The following CREB3L2 variants were observed in gnomAD, a reference collection of about 807,000 sequenced individuals.
CREB3L2 encodes the protein cyclic AMP-responsive element-binding protein 3-like protein 2.
CREB3L2 carries 23 observed loss-of-function variants against 57.2 expected under a neutral mutation model. The observed-to-expected ratio is 0.40, with a 90% CI of 0.29 to 0.57. The LOEUF (loss-of-function observed/expected upper bound fraction) is 0.57. Among genes scored for constraint, CREB3L2 ranks in the 20% least tolerant of loss-of-function variants. CREB3L2 has a pLI of 0.42. For missense variants in CREB3L2, 628 were observed against 634.7 expected, an observed-to-expected ratio of 0.99 and a Z score of 0.11; for synonymous variants, 268 against 265.1, an observed-to-expected ratio of 1.01 and a Z score of -0.11.
chr7:137,994,568 C>T (rs1361841713), intron 1 of CREB3L2, among the ~76,000 whole-genome samples: 1 of 152,180 alleles, frequency 6.6e-6, no homozygotes, highest in South Asian at 2.1e-4. Flanking sequence ...CCTCCCTAGC[C>T]TTTCCCTGCA....
At chr7:137,942,840 T>G (rs1266848100) in intron 1 of CREB3L2, among the ~76,000 whole-genome samples, 1 of 152,204 alleles carries the variant, frequency 6.6e-6, no homozygotes, top group East Asian at 1.9e-4. Flanking sequence ...GGATCATGAA[T>G]AGGACACATT....
At chr7:137,994,381 G>A (rs967968299) in intron 1 of CREB3L2, among the ~76,000 whole-genome samples, 6 of 152,118 alleles carry the variant, frequency 3.9e-5, no homozygotes, top group Non-Finnish European at 7.4e-5. Flanking sequence ...ACCTGCTGTC[G>A]ATCCCAAACA....
chr7:137,965,888 G>T (rs1286959320), intron 1 of CREB3L2, among the ~76,000 whole-genome samples: 1 of 152,206 alleles, frequency 6.6e-6, no homozygotes, highest in Non-Finnish European at 1.5e-5. Flanking sequence ...GCTTAAACCT[G>T]AGGGTGTATC....
At chr7:137,996,389 T>G (rs998062567) in intron 1 of CREB3L2, among the ~76,000 whole-genome samples, 2 of 152,172 alleles carry the variant, frequency 1.3e-5, no homozygotes, top group African/African-American at 4.8e-5. Context: ...CTGGAAAAAT[T>G]ATACTTACTT....
At chr7:137,947,543 C>G (rs911037581) in intron 1 of CREB3L2, among the ~76,000 whole-genome samples, 1 of 152,106 alleles carries the variant, frequency 6.6e-6, no homozygotes, top group Admixed American at 6.5e-5. Flanking sequence ...GTGTCTTGAT[C>G]CCGCCATTTG....
At chr7:137,910,067 C>T (rs1799974630) in intron 4 of CREB3L2, among the ~76,000 whole-genome samples, 1 of 152,116 alleles carries the variant, frequency 6.6e-6, no homozygotes, top group Non-Finnish European at 1.5e-5. Flanking sequence ...ATTGCCCAGT[C>T]TTGGGTACTT....
intron 1 of CREB3L2, among the ~76,000 whole-genome samples, chr7:137,995,092 A>G (rs1283128557): frequency 6.6e-6 from 1 of 152,158 alleles, no homozygotes; most frequent in Non-Finnish European, 1.5e-5. Context: ...TAAAGCTTTA[A>G]GAAAAATCAG....
At chr7:137,973,665 G>A (rs1030835136) in intron 1 of CREB3L2, among the ~76,000 whole-genome samples, 13 of 142,162 alleles carry the variant, frequency 9.1e-5, no homozygotes, top group Admixed American at 4.2e-4. Flanking sequence ...AGGCAAAAAA[G>A]TGAGACTGCC....
intron 1 of CREB3L2, among the ~76,000 whole-genome samples, chr7:137,989,602 T>A (rs957101525): frequency 2.0e-5 from 3 of 152,014 alleles, no homozygotes; most frequent in Non-Finnish European, 2.9e-5. Context: ...GCTTCACTAA[T>A]CCCTCACCAG....
In CREB3L2 at chr7:138,001,363, G is replaced by A. The variant is rs1341127283; in HGVS notation, c.102+241C>T. ...TATTACAGATGGAAAAAGCCTCAGG[G>A]AAAAAAGCATGAATTGTTAAAGGAA... On this transcript the variant is annotated intron_variant, in intron 1 of 11. Transcript: ENST00000330387. This position sits in a 1 kb window ranked among gnomAD's most constrained non-coding sequence, Gnocchi z 4.2. 6.6e-6 allele frequency among the ~76,000 whole-genome samples: 1 copy of A among 152,092 alleles called. No homozygotes were observed. The highest frequency in any genetic ancestry group is 6.5e-5 in the Admixed American group (1 of 15,280).
chr7:137,976,759 T>C (rs1801613866), intron 1 of CREB3L2, among the ~76,000 whole-genome samples: 2 of 152,182 alleles, frequency 1.3e-5, no homozygotes, highest in African/African-American at 4.8e-5. Flanking sequence ...GGCTCAGGCA[T>C]TAGTATTTTT....
intron 2 of CREB3L2, 128 bp downstream of exon 2, chr7:137,928,022 G>A (rs990666512): frequency 2.5e-4 from 192 of 769,818 alleles, no homozygotes; most frequent in Non-Finnish European, 3.5e-4. Flanking sequence ...GCACAAGGCC[G>A]TACACACTGT....
intron 1 of CREB3L2, among the ~76,000 whole-genome samples, chr7:137,932,058 C>T (rs1183799546): frequency 6.6e-6 from 1 of 152,174 alleles, no homozygotes; most frequent in East Asian, 1.9e-4. Context: ...TATCCTTTTA[C>T]TACATATGCA....
chr7:137,962,109 T>C (rs1379424162), intron 1 of CREB3L2, among the ~76,000 whole-genome samples: 1 of 152,146 alleles, frequency 6.6e-6, no homozygotes, highest in Non-Finnish European at 1.5e-5. Context: ...GGGGGAAGAC[T>C]CACTGAATGT....
intron 8 of CREB3L2, among the ~76,000 whole-genome samples, chr7:137,890,490 T>G (rs1174480711): frequency 6.6e-6 from 1 of 152,234 alleles, no homozygotes; most frequent in Admixed American, 6.5e-5. Flanking sequence ...TGAGTTTCAA[T>G]CAGAGGATGA....
At chr7:137,976,930 T>C (rs972263472) in intron 1 of CREB3L2, among the ~76,000 whole-genome samples, 2 of 152,190 alleles carry the variant, frequency 1.3e-5, no homozygotes, top group Admixed American at 6.5e-5. Flanking sequence ...CCTGCCATCT[T>C]CTTGCACGTA....
Position 137,877,929 on chromosome 7 carries a change from G to A in CREB3L2, c.*2547C>T, listed in dbSNP as rs1799194291. 1 of 227,876 alleles carries A rather than the reference G, an allele frequency of 4.4e-6. No homozygotes were observed. The allele number at this position is 227,876 out of a possible 1,614,324, so 14.1% of individuals were successfully genotyped here. ...CTTGACCCCATTTTGTCCTCCTAAA[G>A]GGACAACTGTTAGTTCCTTTAACCC... On this transcript the variant is annotated 3_prime_UTR_variant, in exon 12 of 12. Coordinates refer to ENST00000330387, the MANE Select transcript of CREB3L2 (RefSeq NM_194071.4).
chr7:137,959,829 T>G (rs963672147), intron 1 of CREB3L2, among the ~76,000 whole-genome samples: 1 of 152,170 alleles, frequency 6.6e-6, no homozygotes, highest in Non-Finnish European at 1.5e-5. Flanking sequence ...ATTTAGAAAA[T>G]GTAAGGTAAT....
In CREB3L2 at chr7:137,915,865, T is replaced by C; in HGVS notation, c.467A>G (p.Glu156Gly). 1 of 1,614,094 alleles carries C rather than the reference T, an allele frequency of 6.2e-7. No individual in the cohort carries two copies. Among genetic ancestry groups the C allele is most frequent in the Non-Finnish European group, 8.5e-7 (1 of 1,179,984 alleles). ...ITAISTPLEK[E>G]EPPLEMNTGV... The stretch of plus-strand genomic sequence containing the variant: ...AGTGTTCATTTCCAGAGGAGGTTCC[T>C]CCTTTTCCAACGGGGTGGAGATGGC... The change falls in exon 3 of 12, where the codon GAG becomes GGG. Residue 156 changes from glutamate to glycine, a missense_variant. Glu to Gly is a moderately conservative substitution (Grantham distance 98, BLOSUM62 -2). Transcript: ENST00000330387.
Sources: allele counts gnomAD v4.1 joint callset (sites outside exome capture counted in the v4.1 genomes callset), GRCh38; gene constraint gnomAD v4.1.1; non-coding constraint Gnocchi (gnomAD v3.1); transcripts MANE v1.5; gene names NCBI Gene and HGNC (gene_info 2026-07-23, HGNC 2026-07-21).